MARCHF11: variants seen among roughly 807,000 people sequenced by gnomAD.
MARCHF11 encodes the protein E3 ubiquitin-protein ligase MARCHF11.
In MARCHF11, 29 loss-of-function variants were observed where a neutral mutation model predicts 37.3. The observed-to-expected ratio is 0.78, with a 90% CI of 0.58 to 1.06. The LOEUF (loss-of-function observed/expected upper bound fraction) is 1.06. Among genes scored for constraint, MARCHF11 ranks in the 50% least tolerant of loss-of-function variants. The pLI, the probability that MARCHF11 is intolerant of heterozygous loss-of-function variation, is 0.00. For missense variants in MARCHF11, 482 were observed against 533.4 expected (o/e 0.90, Z 0.95); for synonymous variants, 233 against 228.0 (o/e 1.02, Z -0.20).
At chr5:16,100,552 A>G (rs546282494) in intron 2 of MARCHF11, among the ~76,000 whole-genome samples, 5 of 152,188 alleles carry the variant, frequency 3.3e-5, no homozygotes, top group Admixed American at 2.0e-4. Flanking sequence ...TAAATGGCAG[A>G]GGTAGCTGTA....
chr5:16,067,676 C>T lies in MARCHF11; in HGVS notation c.1004G>A (p.Arg335Gln), dbSNP rs769233069. The change falls in exon 4 of 4, where the codon CGG becomes CAG. Residue 335 changes from arginine (R) to glutamine (Q), a missense_variant. By Grantham distance (43) the Arg-to-Gln change is conservative (BLOSUM62 1). Transcript: ENST00000332432. ...AGTCCTACTTGTGGAAGACTCTCCC[C>T]GGCTGCTTTCTTCGATGTCTGTGGC... ...DKATDIEESS[R>Q]GESSTSRTLW... is the part of the protein sequence containing the mutation. 16 of 1,613,812 alleles carry T rather than the reference C, an allele frequency of 9.9e-6. No individual in the cohort carries two copies. The highest frequency in any genetic ancestry group is 4.5e-5 in the East Asian group (2 of 44,880).
At chr5:16,147,814 C>T (rs1406491679) in intron 2 of MARCHF11, among the ~76,000 whole-genome samples, 1 of 152,044 alleles carries the variant, frequency 6.6e-6, no homozygotes, top group Non-Finnish European at 1.5e-5. Context: ...GGGTCCATTG[C>T]CTAAGTACTA....
chr5:16,075,109 A>G (rs775472123), intron 3 of MARCHF11, among the ~76,000 whole-genome samples: 1 of 152,180 alleles, frequency 6.6e-6, no homozygotes. Context: ...AGGTTCTGAC[A>G]CAGGTTAAAT....
chr5:16,102,106 T>C (rs564164138), intron 2 of MARCHF11, among the ~76,000 whole-genome samples: 3 of 152,240 alleles, frequency 2.0e-5, no homozygotes, highest in Non-Finnish European at 4.4e-5. Flanking sequence ...TGTATGTTGA[T>C]GCCTCCATGC....
chr5:16,073,584 G>A (rs1285635099), intron 3 of MARCHF11, among the ~76,000 whole-genome samples: 4 of 149,570 alleles, frequency 2.7e-5, no homozygotes, highest in African/African-American at 4.9e-5. Context: ...TAAATGTAAT[G>A]TAAAGTAATA....
At chr5:16,138,030 A>G (rs567694487) in intron 2 of MARCHF11, among the ~76,000 whole-genome samples, 3 of 152,230 alleles carry the variant, frequency 2.0e-5, no homozygotes, top group Non-Finnish European at 4.4e-5. Context: ...CTGACAATGC[A>G]ATAGAAAAGA....
intron 2 of MARCHF11, among the ~76,000 whole-genome samples, chr5:16,110,893 G>A (rs1165703773): frequency 6.6e-6 from 1 of 152,154 alleles, no homozygotes; most frequent in African/African-American, 2.4e-5. Context: ...GACCAGGTGA[G>A]AGAGAACTGA....
intron 3 of MARCHF11, among the ~76,000 whole-genome samples, chr5:16,086,418 G>T (rs1736698914): frequency 6.6e-6 from 1 of 152,176 alleles, no homozygotes; most frequent in Admixed American, 6.5e-5. Context: ...ACATGTGTTT[G>T]TATATTATGT....
chr5:16,100,432 G>C (rs1736936527), intron 2 of MARCHF11, among the ~76,000 whole-genome samples: 1 of 152,216 alleles, frequency 6.6e-6, no homozygotes, highest in African/African-American at 2.4e-5. Context: ...AGCCTGGGAA[G>C]TTCCAAAATT....
chr5:16,173,513 C>G (rs1470655861), intron 2 of MARCHF11, among the ~76,000 whole-genome samples: 1 of 152,162 alleles, frequency 6.6e-6, no homozygotes, highest in Non-Finnish European at 1.5e-5. Flanking sequence ...TAAATATGCT[C>G]ACTGCACTGA....
chr5:16,174,902 G>T (rs1359727916), intron 2 of MARCHF11, among the ~76,000 whole-genome samples: 1 of 152,152 alleles, frequency 6.6e-6, no homozygotes, highest in Non-Finnish European at 1.5e-5. Flanking sequence ...ATCTGAGTTG[G>T]GCCTCTGTCT....
intron 3 of MARCHF11, among the ~76,000 whole-genome samples, chr5:16,069,108 A>G (rs570850999): frequency 6.6e-6 from 1 of 152,346 alleles, no homozygotes; most frequent in Non-Finnish European, 1.5e-5. Context: ...AGAAGAATGG[A>G]TAAATTGTAT....
Position 16,149,141 on chromosome 5 carries a change from C to T in MARCHF11, c.693+28585G>A, listed in dbSNP as rs575238776. Among the ~76,000 whole-genome samples the T allele has an allele frequency of 5.7e-4, 86 of 152,180 alleles. 3 individuals carry two copies. In the Middle Eastern group the frequency reaches 0.01, roughly 18 times the overall value. On this transcript the variant is annotated intron_variant, in intron 2 of 3. Transcript: ENST00000332432. The stretch of plus-strand genomic sequence containing the variant: ...TCACTGCTAAATCCCTTCTCATTTC[C>T]TTGCCCAGTGTCCTCCTTACCCAGT...
chr5:16,169,573 T>C (rs1049079169), intron 2 of MARCHF11, among the ~76,000 whole-genome samples: 1 of 152,140 alleles, frequency 6.6e-6, no homozygotes, highest in African/African-American at 2.4e-5. Context: ...TAGAAATGTT[T>C]CTGGGTTCCT....
chr5:16,143,227 T>C (rs1737747195), intron 2 of MARCHF11, among the ~76,000 whole-genome samples: 1 of 152,100 alleles, frequency 6.6e-6, no homozygotes, highest in Non-Finnish European at 1.5e-5. Flanking sequence ...ACTCCTAAAA[T>C]AGCCTCGTAT....
rs537256562 is a variant in MARCHF11 at position 16,154,999 on chromosome 5, C to T, written c.693+22727G>A. Reference sequence around the variant, plus strand: ...CCTACCACATCTGACCCAACCCCTACAGTGATACGCCTGATGTGTCTGTAG... The same window carrying T: ...CCTACCACATCTGACCCAACCCCTATAGTGATACGCCTGATGTGTCTGTAG... On this transcript the variant is annotated intron_variant, in intron 2 of 3. Coordinates refer to ENST00000332432, the MANE Select transcript of MARCHF11 (RefSeq NM_001102562.3). Among the ~76,000 whole-genome samples, 3 of 151,938 alleles carry T rather than the reference C, an allele frequency of 2.0e-5. No homozygotes were observed. In the East Asian group the frequency reaches 5.8e-4, roughly 30 times the overall value.
chr5:16,127,973 T>C (rs1737443448), intron 2 of MARCHF11, among the ~76,000 whole-genome samples: 1 of 152,156 alleles, frequency 6.6e-6, no homozygotes, highest in Non-Finnish European at 1.5e-5. Context: ...TACATTCTCC[T>C]ACATGCTGCT....
intron 2 of MARCHF11, among the ~76,000 whole-genome samples, chr5:16,127,481 G>A (rs1737430911): frequency 6.6e-6 from 1 of 152,208 alleles, no homozygotes; most frequent in Non-Finnish European, 1.5e-5. Flanking sequence ...GATTAAGCCA[G>A]TGAGACTTTG....
At chr5:16,068,335 G>C (rs747156369) in intron 3 of MARCHF11, among the ~76,000 whole-genome samples, 1 of 152,166 alleles carries the variant, frequency 6.6e-6, no homozygotes, top group East Asian at 1.9e-4. Context: ...AAAATGTATT[G>C]AACAGTTACT....
Sources: gnomAD v4.1 joint callset for allele counts (sites outside exome capture counted in the v4.1 genomes callset) on GRCh38, gnomAD v4.1.1 for gene constraint, MANE v1.5 for transcripts, NCBI Gene and HGNC (gene_info 2026-07-23, HGNC 2026-07-21) for gene names.